Variants in MAPKAP1 observed in about 807,000 individuals in gnomAD.
MAPKAP1 encodes MAPK associated protein 1.
In MAPKAP1, 20 loss-of-function variants were observed where a neutral mutation model predicts 65.7. That is an observed-to-expected ratio of 0.30 (90% confidence interval 0.21 to 0.44). The LOEUF (loss-of-function observed/expected upper bound fraction) is 0.44, where lower values mean the gene tolerates loss of function less well. Among genes scored for constraint, MAPKAP1 ranks in the 20% least tolerant of loss-of-function variants. The pLI is 1.00. For synonymous variants in MAPKAP1, 222 were observed against 244.3 expected (o/e 0.91, Z 0.85); for missense variants, 423 against 648.0 (o/e 0.65, Z 3.77).
At chr9:125,465,789 C>A (rs1188800465) in intron 10 of MAPKAP1, among the ~76,000 whole-genome samples, 3 of 152,170 alleles carry the variant, frequency 2.0e-5, no homozygotes, top group Non-Finnish European at 4.4e-5. Context: ...GAGGCATGTG[C>A]AAACTCCTGG....
At chr9:125,654,524 C>T (rs1180230718) in intron 4 of MAPKAP1, among the ~76,000 whole-genome samples, 1 of 152,164 alleles carries the variant, frequency 6.6e-6, no homozygotes, top group Admixed American at 6.5e-5. Context: ...AATGATAAAC[C>T]TGACCCCAAA....
intron 4 of MAPKAP1, among the ~76,000 whole-genome samples, chr9:125,625,418 C>CA (rs956395618): frequency 1.4e-4 from 21 of 151,790 alleles, no homozygotes; most frequent in East Asian, 5.8e-4. Context: ...AAACAAAAAA[C>CA]AAAAAAACAA....
chr9:125,572,938 C>T (rs1831279625), intron 5 of MAPKAP1: 1 of 152,110 alleles, frequency 6.6e-6, no homozygotes, highest in African/African-American at 2.4e-5. Flanking sequence ...ATGGACCTTA[C>T]CATACTGATG....
At chr9:125,569,462 T>C (rs1701810427) in intron 5 of MAPKAP1, among the ~76,000 whole-genome samples, 1 of 152,208 alleles carries the variant, frequency 6.6e-6, no homozygotes, top group South Asian at 2.1e-4. Flanking sequence ...TGTCTATTCT[T>C]TTCTCCTCCG....
intron 4 of MAPKAP1, among the ~76,000 whole-genome samples, chr9:125,623,049 C>T (rs868565526): frequency 1.3e-4 from 19 of 151,386 alleles, no homozygotes; most frequent in African/African-American, 4.4e-4. Flanking sequence ...CCGCCAACCT[C>T]GGCCTCCCGA....
At chr9:125,689,253 C>T (rs556433266) in intron 1 of MAPKAP1, among the ~76,000 whole-genome samples, 5 of 151,174 alleles carry the variant, frequency 3.3e-5, no homozygotes, top group Non-Finnish European at 7.4e-5. Flanking sequence ...CTGGCTAACA[C>T]GGTGAAACCC....
intron 1 of MAPKAP1, among the ~76,000 whole-genome samples, chr9:125,693,542 T>C (rs965189107): frequency 2.7e-5 from 4 of 148,008 alleles, no homozygotes; most frequent in Admixed American, 1.4e-4. Context: ...TACACACACA[T>C]ATATACATAT....
At chr9:125,483,962 A>G (rs556448527) in intron 9 of MAPKAP1, among the ~76,000 whole-genome samples, 1 of 152,364 alleles carries the variant, frequency 6.6e-6, no homozygotes, top group African/African-American at 2.4e-5. Context: ...ACAGAAATTT[A>G]GCACATAATT....
intron 4 of MAPKAP1, chr9:125,596,742 C>G (rs1487211001): frequency 2.0e-6 from 1 of 500,838 alleles, no homozygotes; most frequent in African/African-American, 1.9e-5. Context: ...CAAGGCCTAG[C>G]TGCTACAAAG....
intron 4 of MAPKAP1, among the ~76,000 whole-genome samples, chr9:125,610,477 C>A (rs555861116): frequency 2.6e-5 from 4 of 152,228 alleles, no homozygotes; most frequent in African/African-American, 9.6e-5. Context: ...ATGGTACTTG[C>A]CAAACAAGGT....
chr9:125,439,339 C>T lies in MAPKAP1; in HGVS notation c.1444-327G>A, dbSNP rs1852398513. Among the ~76,000 whole-genome samples the T allele has an allele frequency of 6.6e-6, 1 of 152,268 alleles. No homozygotes were observed. Among genetic ancestry groups the T allele is most frequent in the Non-Finnish European group, 1.5e-5 (1 of 68,044 alleles). On this transcript the variant is annotated intron_variant, in intron 11 of 11. Transcript: ENST00000265960. This position sits in a 1 kb window ranked among gnomAD's most constrained non-coding sequence, Gnocchi z 4.0. ...GAAGGCTGTGCCCTGGGCTGCCTGGCTATGCCTCCCACCTGCTGTGTGACC... is the reference window on the plus strand; with the variant it reads ...GAAGGCTGTGCCCTGGGCTGCCTGGTTATGCCTCCCACCTGCTGTGTGACC...
chr9:125,693,426 A>AAT (rs1554844322), intron 1 of MAPKAP1, among the ~76,000 whole-genome samples: 109 of 131,314 alleles, frequency 8.3e-4, no homozygotes, highest in East Asian at 3.8e-3. Context: ...AAAAAAAAAA[A>AAT]ATATATATAT....
intron 4 of MAPKAP1, among the ~76,000 whole-genome samples, chr9:125,609,201 C>T (rs1832526588): frequency 6.6e-6 from 1 of 152,128 alleles, no homozygotes; most frequent in Non-Finnish European, 1.5e-5. Flanking sequence ...AAAATGGTTA[C>T]TTGCTGAACT....
intron 6 of MAPKAP1, among the ~76,000 whole-genome samples, chr9:125,555,413 T>C (rs1014160209): frequency 3.8e-4 from 58 of 152,354 alleles, no homozygotes; most frequent in African/African-American, 1.3e-3. Flanking sequence ...AGCTGAAACA[T>C]GAACCCAGGT....
intron 3 of MAPKAP1, among the ~76,000 whole-genome samples, chr9:125,663,163 C>T (rs1834237963): frequency 6.6e-6 from 1 of 152,182 alleles, no homozygotes; most frequent in East Asian, 1.9e-4. Context: ...CAATTCCTTA[C>T]CAGACCCTCC....
At position 125,438,452 on chromosome 9, in the gene MAPKAP1, G is replaced by C. The variant is rs1353896937; in HGVS notation, c.*435C>G. On this transcript the variant is annotated 3_prime_UTR_variant, in exon 12 of 12. Transcript: ENST00000265960. The stretch of plus-strand genomic sequence containing the variant: ...AATCAATCCTCCGCCCCAAAGAATG[G>C]TCCATCATACCAACCATGATAAAGA... 2 of 399,964 alleles carry C rather than the reference G, an allele frequency of 5.0e-6. No individual in the cohort carries two copies. Among genetic ancestry groups the C allele is most frequent in the African/African-American group, 4.1e-5 (2 of 48,638 alleles). 24.8% of individuals were successfully genotyped at this position (399,964 alleles called of 1,614,324 possible).
intron 7 of MAPKAP1, among the ~76,000 whole-genome samples, chr9:125,514,152 T>C (rs535044613): frequency 6.6e-6 from 1 of 152,210 alleles, no homozygotes; most frequent in South Asian, 2.1e-4. Context: ...GCACGTGCCA[T>C]TCCCTCTTCC....
chr9:125,495,379 A>T (rs1854906997), intron 8 of MAPKAP1, among the ~76,000 whole-genome samples: 1 of 152,176 alleles, frequency 6.6e-6, no homozygotes, highest in Admixed American at 6.5e-5. Context: ...AGAGGGATGC[A>T]AATCTCCATG....
In MAPKAP1 at chr9:125,585,563, C is replaced by T. The variant is rs374415747; in HGVS notation, c.663G>A (p.Pro221=). Residue 221 remains proline, a synonymous_variant, in exon 5 of 12, where the codon CCG becomes CCA. Coordinates refer to ENST00000265960, the MANE Select transcript of MAPKAP1 (RefSeq NM_001006617.3). ...CWQYTSEGRE[P]KLNDNVSAYC... Reference sequence around the variant, plus strand: ...AAAAGAGAATGGATTACTTGAGCTTCGGCTCCCGTCCTTCGCTTGTATACT... The same window carrying T: ...AAAAGAGAATGGATTACTTGAGCTTTGGCTCCCGTCCTTCGCTTGTATACT... 3.0e-5 allele frequency: 48 copies of T among 1,613,168 alleles called. No individual in the cohort carries two copies. Among genetic ancestry groups the T allele is most frequent in the Non-Finnish European group, 3.6e-5 (42 of 1,179,350 alleles).
Sources: allele counts gnomAD v4.1 joint callset (sites outside exome capture counted in the v4.1 genomes callset), GRCh38; gene constraint gnomAD v4.1.1; non-coding constraint Gnocchi (gnomAD v3.1); transcripts MANE v1.5; gene names NCBI Gene and HGNC (gene_info 2026-07-23, HGNC 2026-07-21).